CADM2: variants seen among roughly 807,000 people sequenced by gnomAD.
CADM2 encodes the protein immunoglobulin superfamily member 4D.
In CADM2, 12 loss-of-function variants were observed where a neutral mutation model predicts 49.8. The ratio of observed to expected loss-of-function variants is 0.24; its 90% CI spans 0.15 to 0.39. The LOEUF (loss-of-function observed/expected upper bound fraction) is 0.39. CADM2 is among the 10% of genes least tolerant of loss of function. The pLI is 1.00. For missense variants in CADM2, 378 were observed against 492.3 expected, an observed-to-expected ratio of 0.77 and a Z score of 2.20; for synonymous variants, 214 against 175.4, an observed-to-expected ratio of 1.22 and a Z score of -1.74.
intron 1 of CADM2, among the ~76,000 whole-genome samples, chr3:85,425,786 CA>C (rs1179758529): frequency 6.6e-6 from 1 of 152,154 alleles, no homozygotes; most frequent in Non-Finnish European, 1.5e-5. Context: ...GGTGGGACAC[CA>C]GGGGGCCATC....
intron 1 of CADM2, among the ~76,000 whole-genome samples, chr3:85,600,451 C>T (rs2063358750): frequency 6.6e-6 from 1 of 151,854 alleles, no homozygotes; most frequent in African/African-American, 2.4e-5. Flanking sequence ...ATTAATTACA[C>T]CTAATGCTAA....
At chr3:85,736,259 G>A (rs763921276) in intron 2 of CADM2, among the ~76,000 whole-genome samples, 11 of 152,216 alleles carry the variant, frequency 7.2e-5, no homozygotes, top group Non-Finnish European at 1.3e-4. Context: ...GTGGAAACAA[G>A]CAATGTAACC....
chr3:85,390,171 T>G (rs777016207), intron 1 of CADM2, among the ~76,000 whole-genome samples: 5 of 152,124 alleles, frequency 3.3e-5, no homozygotes, highest in Non-Finnish European at 4.4e-5. Context: ...GACCTCATGC[T>G]AGATTCTGAG....
At chr3:85,036,755 A>C (rs994128736) in intron 1 of CADM2, among the ~76,000 whole-genome samples, 6 of 152,148 alleles carry the variant, frequency 3.9e-5, no homozygotes, top group Non-Finnish European at 8.8e-5. Flanking sequence ...ATATTTTAAA[A>C]TATTCTTTAA....
Position 85,303,376 on chromosome 3 carries a change from A to G in CADM2, c.61+343708A>G, listed in dbSNP as rs563804568. ...ATGAAGCTTCTGAATCTAAGGACAA[A>G]ATTAGCTCTCACACCCACACTGCGC... is the stretch of plus-strand genomic sequence containing the variant. On this transcript the variant is annotated intron_variant, in intron 1 of 9. Coordinates refer to ENST00000383699, the MANE Select transcript of CADM2 (RefSeq NM_001167675.2). Among the ~76,000 whole-genome samples, 3 of 152,052 alleles carry G rather than the reference A, an allele frequency of 2.0e-5. No homozygotes were observed. The South Asian group carries it at 6.2e-4, about 32-fold the overall frequency.
chr3:85,903,971 G>A (rs978928251), intron 5 of CADM2, among the ~76,000 whole-genome samples: 1 of 152,078 alleles, frequency 6.6e-6, no homozygotes, highest in Admixed American at 6.6e-5. Flanking sequence ...CAGGAAGGCC[G>A]TTGCTAGTTG....
chr3:85,996,667 T>C (rs567472177), intron 8 of CADM2, among the ~76,000 whole-genome samples: 20 of 152,320 alleles, frequency 1.3e-4, no homozygotes, highest in African/African-American at 4.8e-4. Context: ...AAAACTTTAT[T>C]GTTCTGAAAT....
intron 1 of CADM2, among the ~76,000 whole-genome samples, chr3:85,508,299 C>A (rs2040447588): frequency 6.6e-6 from 1 of 152,156 alleles, no homozygotes; most frequent in South Asian, 2.1e-4. Flanking sequence ...AATAACCTAT[C>A]CCAGTAGTCA....
chr3:85,981,345 C>T (rs1443108676), intron 8 of CADM2, among the ~76,000 whole-genome samples: 1 of 151,460 alleles, frequency 6.6e-6, no homozygotes, highest in East Asian at 1.9e-4. Context: ...TGGTCTATTG[C>T]ATTTTTTTTC....
intron 1 of CADM2, among the ~76,000 whole-genome samples, chr3:84,996,649 G>A (rs1172528143): frequency 6.6e-6 from 1 of 151,974 alleles, no homozygotes; most frequent in African/African-American, 2.4e-5. Flanking sequence ...TATAAGCTTT[G>A]TATTTTTAAT....
intron 1 of CADM2, among the ~76,000 whole-genome samples, chr3:85,419,320 T>C (rs944910965): frequency 6.6e-6 from 1 of 151,770 alleles, no homozygotes; most frequent in Non-Finnish European, 1.5e-5. Flanking sequence ...TAGCTGGGCG[T>C]GGTGGCGGGC....
At chr3:85,834,695 TGTA>T (rs1177521645) in intron 3 of CADM2, among the ~76,000 whole-genome samples, 1 of 151,436 alleles carries the variant, frequency 6.6e-6, no homozygotes, top group Non-Finnish European at 1.5e-5. Context: ...CATTTCCAAT[TGTA>T]GTCTCATTTG....
intron 1 of CADM2, among the ~76,000 whole-genome samples, chr3:85,623,358 G>A (rs994789403): frequency 3.3e-5 from 5 of 152,076 alleles, no homozygotes; most frequent in African/African-American, 1.2e-4. Flanking sequence ...TACGTTATAT[G>A]AATTTTCACT....
At chr3:85,903,414 C>CTCTCTTAGAAGG (rs1445114586) in intron 5 of CADM2, among the ~76,000 whole-genome samples, 9 of 151,674 alleles carry the variant, frequency 5.9e-5, no homozygotes, top group African/African-American at 2.2e-4. Context: ...TTTTGTTTAC[C>CTCTCTTAGAAGG]TGAAAAATAT....
intron 1 of CADM2, among the ~76,000 whole-genome samples, chr3:85,177,891 A>G (rs1007245425): frequency 1.3e-5 from 2 of 151,910 alleles, no homozygotes; most frequent in African/African-American, 4.8e-5. Context: ...CACTACAAGA[A>G]CACTGTGTGG....
intron 3 of CADM2, among the ~76,000 whole-genome samples, chr3:85,850,420 G>T (rs1355733753): frequency 6.8e-6 from 1 of 146,786 alleles, no homozygotes; most frequent in Admixed American, 7.0e-5. Context: ...CGCCTCCCGG[G>T]TTCACACCAT....
chr3:85,136,800 CTATTT>C (rs1182746376), intron 1 of CADM2, among the ~76,000 whole-genome samples: 1 of 151,930 alleles, frequency 6.6e-6, no homozygotes, highest in Non-Finnish European at 1.5e-5. Context: ...TGAACCCACT[CTATTT>C]TAAGTACAAC....
At chr3:85,031,681 ATTTTTTGTGTATT>A in intron 1 of CADM2, among the ~76,000 whole-genome samples, 1 of 151,746 alleles carries the variant, frequency 6.6e-6, no homozygotes, top group Admixed American at 6.6e-5. Context: ...CGCCCGGCTA[ATTTTTTGTGTATT>A]TTTTTTTAGT....
At chr3:85,843,093 A>G (rs557599068) in intron 3 of CADM2, among the ~76,000 whole-genome samples, 1 of 152,268 alleles carries the variant, frequency 6.6e-6, no homozygotes, top group East Asian at 1.9e-4. Flanking sequence ...TAGCATTGTC[A>G]TGGCTTTGGA....
Sources: allele counts gnomAD v4.1 joint callset (sites outside exome capture counted in the v4.1 genomes callset), GRCh38; gene constraint gnomAD v4.1.1; transcripts MANE v1.5; gene names NCBI Gene and HGNC (gene_info 2026-07-23, HGNC 2026-07-21).